The following SCGB2B2 variants were observed in gnomAD, a reference collection of about 807,000 sequenced individuals.
SCGB2B2 encodes the protein secretoglobin family 2B member 2, also known as secretoglobin-like protein.
In SCGB2B2, 11 loss-of-function variants were observed where a neutral mutation model predicts 7.6. That is an observed-to-expected ratio of 1.45 (90% confidence interval 0.91 to 2.40). The LOEUF (loss-of-function observed/expected upper bound fraction) is 2.40. Among genes scored for constraint, SCGB2B2 ranks in the 30% most tolerant of loss-of-function variants. The pLI, the probability that SCGB2B2 is intolerant of heterozygous loss-of-function variation, is 0.00. For missense variants in SCGB2B2, 104 were observed against 115.4 expected (o/e 0.90, Z 0.45); for synonymous variants, 50 against 48.6 (o/e 1.03, Z -0.12).
intron 1 of SCGB2B2, among the ~76,000 whole-genome samples, chr19:34,664,183 G>A (rs994161512): frequency 2.0e-5 from 3 of 152,232 alleles, no homozygotes; most frequent in African/African-American, 7.2e-5. Context: ...GTTGAGCTGG[G>A]AGGCTTTGGG....
chr19:34,599,600 C>G lies in SCGB2B2; in HGVS notation c.-2031-3006G>C, dbSNP rs141358792. ...AGTGTGGGGAAAATCCCTCATGAAT[C>G]AATGATCTCTCACTAGGTGCCTCCC... is the stretch of plus-strand genomic sequence containing the variant. On this transcript the variant is annotated intron_variant, in intron 1 of 3. Transcript: ENST00000601241. Among the ~76,000 whole-genome samples, 6 of 152,238 alleles carry G rather than the reference C, an allele frequency of 3.9e-5. No individual in the cohort carries two copies. The East Asian group carries it at 1.2e-3, about 29-fold the overall frequency.
Position 34,592,701 on chromosome 19 carries a change from G to T in SCGB2B2, c.*854C>A, listed in dbSNP as rs114655076. Among the ~76,000 whole-genome samples the T allele has an allele frequency of 2.6e-5, 4 of 152,128 alleles. No homozygotes were observed. The highest frequency in any genetic ancestry group is 5.9e-5 in the Non-Finnish European group (4 of 68,028). On this transcript the variant is annotated 3_prime_UTR_variant, in exon 4 of 4. Transcript: ENST00000601241. ...AGGGGTGAGGTGGGAGAGAGGGGCC[G>T]TGTTTGAGGGTGGCACTCGTTCCCT...
chr19:34,639,847 C>T lies in SCGB2B2; in HGVS notation c.-2032+35783G>A, dbSNP rs151239142. On this transcript the variant is annotated intron_variant, in intron 1 of 3. Coordinates refer to ENST00000601241, the MANE Select transcript of SCGB2B2 (RefSeq NM_001025591.4). ...CCATAATACCTTCCATAATCAGAGG[C>T]CAAAACAGTAAACAAAATGATCATC... 1.0e-3 allele frequency among the ~76,000 whole-genome samples: 159 copies of T among 152,124 alleles called. No individual in the cohort carries two copies. The East Asian group carries it at 0.022, about 21-fold the overall frequency.
intron 1 of SCGB2B2, among the ~76,000 whole-genome samples, chr19:34,604,981 A>T (rs530815359): frequency 6.6e-6 from 1 of 152,240 alleles, no homozygotes; most frequent in African/African-American, 2.4e-5. Context: ...GAACAGATTC[A>T]TCTCTTATGA....
intron 1 of SCGB2B2, among the ~76,000 whole-genome samples, chr19:34,622,685 C>T (rs2066271179): frequency 6.6e-6 from 1 of 152,090 alleles, no homozygotes; most frequent in Non-Finnish European, 1.5e-5. Context: ...AGTTGGGGCA[C>T]AGAGGAGAAT....
intron 1 of SCGB2B2, among the ~76,000 whole-genome samples, chr19:34,666,662 C>G (rs993013024): frequency 6.6e-6 from 1 of 152,214 alleles, no homozygotes; most frequent in African/African-American, 2.4e-5. Flanking sequence ...CCCATCTCCC[C>G]AAATGCCAGA....
At chr19:34,641,083 AACAAAGATT>A (rs2066827627) in intron 1 of SCGB2B2, among the ~76,000 whole-genome samples, 1 of 60,682 alleles carries the variant, frequency 1.6e-5, no homozygotes, top group East Asian at 3.1e-4. Context: ...TCACACCCCA[AACAAAGATT>A]ATGACCAATT....
Position 34,594,538 on chromosome 19 carries a change from G to A in SCGB2B2, c.26C>T (p.Ala9Val), listed in dbSNP as rs771505531. 6.2e-7 allele frequency: 1 copy of A among 1,613,220 alleles called. No homozygotes were observed. Among genetic ancestry groups the A allele is most frequent in the South Asian group, 1.1e-5 (1 of 91,036 alleles). Residue 9 changes from alanine (A) to valine (V), a missense_variant, in exon 2 of 4, where the codon GCT becomes GTT. By Grantham distance (64) the Ala-to-Val change is moderately conservative. Coordinates refer to ENST00000601241, the MANE Select transcript of SCGB2B2 (RefSeq NM_001025591.4). Reference protein sequence around the residue: MRVTSATCALLLALICSVQ... With the variant: MRVTSATCVLLLALICSVQ... ...GCTGCAGATCAGAGCCAGCAGAAGAGCACAGGTGGCGGATGTCACCCTCAT... is the reference window on the plus strand; with the variant it reads ...GCTGCAGATCAGAGCCAGCAGAAGAACACAGGTGGCGGATGTCACCCTCAT...
chr19:34,671,795 AATT>A (rs776387655), intron 1 of SCGB2B2, among the ~76,000 whole-genome samples: 1 of 152,176 alleles, frequency 6.6e-6, no homozygotes, highest in South Asian at 2.1e-4. Flanking sequence ...TTTTTTAAAA[AATT>A]ATTATTTACC....
chr19:34,645,355 A>G (rs2066968863), intron 1 of SCGB2B2: 2 of 154,458 alleles, frequency 1.3e-5, no homozygotes, highest in African/African-American at 2.4e-5. Context: ...ATCCCAGGAC[A>G]CTCCAGGGAG....
intron 1 of SCGB2B2, among the ~76,000 whole-genome samples, chr19:34,597,510 C>G (rs975774380): frequency 2.6e-5 from 4 of 152,206 alleles, no homozygotes; most frequent in Non-Finnish European, 5.9e-5. Context: ...ACCTGGGACT[C>G]TGGCTGGCAC....
chr19:34,659,125 T>C (rs1311118488), intron 1 of SCGB2B2, among the ~76,000 whole-genome samples: 1 of 152,142 alleles, frequency 6.6e-6, no homozygotes, highest in Non-Finnish European at 1.5e-5. Flanking sequence ...AACTAGGTAT[T>C]GATGGGACGT....
At chr19:34,606,192 A>C (rs1282977580) in intron 1 of SCGB2B2, among the ~76,000 whole-genome samples, 1 of 152,112 alleles carries the variant, frequency 6.6e-6, no homozygotes, top group Non-Finnish European at 1.5e-5. Context: ...ATAATTGACA[A>C]ATAGGAATTG....
intron 1 of SCGB2B2, among the ~76,000 whole-genome samples, chr19:34,597,318 A>G (rs536342385): frequency 6.5e-4 from 99 of 152,244 alleles, no homozygotes; most frequent in African/African-American, 2.3e-3. Flanking sequence ...CCTGCATGAC[A>G]TGACCAGATC....
At chr19:34,655,878 C>A (rs1388840139) in intron 1 of SCGB2B2, among the ~76,000 whole-genome samples, 1 of 151,170 alleles carries the variant, frequency 6.6e-6, no homozygotes, top group African/African-American at 2.5e-5. Flanking sequence ...AGGAGGAATG[C>A]AGCCACTGCC....
At chr19:34,593,799 G>A (rs1445043808) in intron 3 of SCGB2B2, among the ~76,000 whole-genome samples, 200 bp from the exon 4 acceptor site, 3 of 152,020 alleles carry the variant, frequency 2.0e-5, no homozygotes, top group Non-Finnish European at 2.9e-5. Context: ...GGTGTAACAC[G>A]TGTATGCATG....
At chr19:34,644,049 G>A (rs1465281749) in intron 1 of SCGB2B2, among the ~76,000 whole-genome samples, 5 of 152,190 alleles carry the variant, frequency 3.3e-5, no homozygotes, top group Admixed American at 3.3e-4. Context: ...CAGAAGATTT[G>A]TGATTTGTGA....
intron 1 of SCGB2B2, among the ~76,000 whole-genome samples, chr19:34,623,523 C>T (rs2066292415): frequency 6.6e-6 from 1 of 152,138 alleles, no homozygotes; most frequent in African/African-American, 2.4e-5. Context: ...CAAGCATTAC[C>T]ACCCATGGAT....
At chr19:34,657,810 A>G (rs2067322547) in intron 1 of SCGB2B2, among the ~76,000 whole-genome samples, 1 of 152,212 alleles carries the variant, frequency 6.6e-6, no homozygotes, top group Non-Finnish European at 1.5e-5. Context: ...TCAGCACCAC[A>G]TCGCACTTAT....
Sources: allele counts gnomAD v4.1 joint callset (sites outside exome capture counted in the v4.1 genomes callset), GRCh38; gene constraint gnomAD v4.1.1; transcripts MANE v1.5; gene names NCBI Gene and HGNC (gene_info 2026-07-23, HGNC 2026-07-21).